Variants in GABBR2 observed in about 807,000 individuals in gnomAD.
GABBR2 encodes the protein G-protein coupled receptor 51.
A neutral mutation model predicts 105.6 loss-of-function variants in GABBR2; 23 were observed. The ratio of observed to expected loss-of-function variants is 0.22; its 90% CI spans 0.16 to 0.31. The LOEUF (loss-of-function observed/expected upper bound fraction) is 0.31, where lower values mean the gene tolerates loss of function less well. Ranked by LOEUF, GABBR2 falls within the 10% of genes least tolerant of loss-of-function variation. The pLI, the probability that GABBR2 is intolerant of heterozygous loss-of-function variation, is 1.00. For missense variants in GABBR2, 734 were observed against 1,245.5 expected (o/e 0.59, Z 6.18); for synonymous variants, 478 against 499.7 (o/e 0.96, Z 0.58).
At chr9:98,411,051 C>G (rs926748389) in intron 7 of GABBR2, among the ~76,000 whole-genome samples, 7 of 152,092 alleles carry the variant, frequency 4.6e-5, no homozygotes, top group African/African-American at 1.7e-4. Context: ...ATAATGGATT[C>G]TAACTTCCAA....
At chr9:98,643,111 AG>A (rs1474795258) in intron 1 of GABBR2, among the ~76,000 whole-genome samples, 1 of 152,224 alleles carries the variant, frequency 6.6e-6, no homozygotes, top group Non-Finnish European at 1.5e-5. Context: ...GAACCAATCC[AG>A]GGGGCACTGT....
chr9:98,694,619 C>T (rs1830725563), intron 1 of GABBR2, among the ~76,000 whole-genome samples: 1 of 152,072 alleles, frequency 6.6e-6, no homozygotes, highest in South Asian at 2.1e-4. Flanking sequence ...TGGAAATATC[C>T]AATGGTCCTG....
At chr9:98,610,004 A>G (rs1459638083) in intron 1 of GABBR2, among the ~76,000 whole-genome samples, 1 of 152,248 alleles carries the variant, frequency 6.6e-6, no homozygotes, top group African/African-American at 2.4e-5. Context: ...AAGGGGACAC[A>G]GAAGCACGTG....
intron 1 of GABBR2, among the ~76,000 whole-genome samples, chr9:98,659,065 A>G (rs1830219587): frequency 6.6e-6 from 1 of 152,202 alleles, no homozygotes; most frequent in Admixed American, 6.5e-5. Flanking sequence ...GCCAAGAAAA[A>G]CTATTATACG....
intron 7 of GABBR2, among the ~76,000 whole-genome samples, chr9:98,426,383 T>C (rs1280758556): frequency 1.3e-5 from 2 of 152,220 alleles, no homozygotes; most frequent in Non-Finnish European, 2.9e-5. Flanking sequence ...TGAGCCTGCA[T>C]CTGCCAGTGT....
Position 98,684,178 on chromosome 9 carries a change from A to T in GABBR2, c.321+24239T>A, listed in dbSNP as rs1032298881. On this transcript the variant is annotated intron_variant, in intron 1 of 18. Coordinates refer to ENST00000259455, the MANE Select transcript of GABBR2 (RefSeq NM_005458.8). ...ATGCATTTTACCACGGTAAAAAAAA[A>T]AAAAAAAAAAAAAAAAATTGGTTGT... is the stretch of plus-strand genomic sequence containing the variant. 5.7e-4 allele frequency among the ~76,000 whole-genome samples: 84 copies of T among 146,548 alleles called. 1 individual carries two copies. Among genetic ancestry groups the T allele is most frequent in the Non-Finnish European group, 9.8e-4 (65 of 66,282 alleles).
At chr9:98,680,023 G>A (rs961114386) in intron 1 of GABBR2, among the ~76,000 whole-genome samples, 1 of 152,114 alleles carries the variant, frequency 6.6e-6, no homozygotes, top group African/African-American at 2.4e-5. Context: ...AAATACCTTT[G>A]TATATTTCCT....
At chr9:98,597,981 C>A (rs535895571) in intron 1 of GABBR2, among the ~76,000 whole-genome samples, 1 of 152,142 alleles carries the variant, frequency 6.6e-6, no homozygotes, top group Non-Finnish European at 1.5e-5. Context: ...ACCACCACCT[C>A]CGGCTAATTT....
intron 1 of GABBR2, among the ~76,000 whole-genome samples, chr9:98,648,265 G>C (rs777308591): frequency 1.6e-4 from 24 of 151,936 alleles, no homozygotes; most frequent in South Asian, 4.2e-4. Context: ...CTGAGTAGCT[G>C]GGATTACAGG....
chr9:98,453,700 A>G (rs2131602881), intron 7 of GABBR2, among the ~76,000 whole-genome samples: 1 of 152,338 alleles, frequency 6.6e-6, no homozygotes, highest in East Asian at 1.9e-4. Flanking sequence ...AACGCTTTTC[A>G]ACCATTTTTG....
At chr9:98,550,306 A>T (rs963350300) in intron 2 of GABBR2, among the ~76,000 whole-genome samples, 2 of 152,258 alleles carry the variant, frequency 1.3e-5, no homozygotes, top group African/African-American at 4.8e-5. Flanking sequence ...TGCCCAAGAA[A>T]GCATGAAAAT....
At chr9:98,328,974 C>T (rs1406430766) in intron 13 of GABBR2, among the ~76,000 whole-genome samples, 1 of 152,190 alleles carries the variant, frequency 6.6e-6, no homozygotes, top group Non-Finnish European at 1.5e-5. Flanking sequence ...GTAACCTTAT[C>T]ATTACCATCT....
chr9:98,493,067 G>A (rs987689895), intron 4 of GABBR2, among the ~76,000 whole-genome samples: 2 of 152,096 alleles, frequency 1.3e-5, no homozygotes, highest in African/African-American at 4.8e-5. Flanking sequence ...CCATTTATTA[G>A]TCAATCATTT....
At position 98,406,102 on chromosome 9, in the gene GABBR2, T is replaced by C; in HGVS notation, c.1276A>G (p.Ile426Val). The C allele has an allele frequency of 6.3e-7, 1 of 1,577,312 alleles. No homozygotes were observed. Among genetic ancestry groups the C allele is most frequent in the Non-Finnish European group, 8.7e-7 (1 of 1,152,970 alleles). Residue 426 changes from isoleucine (I) to valine (V), a missense_variant, in exon 8 of 19, where the codon ATT becomes GTT. Physicochemically the swap from Ile to Val is conservative, Grantham distance 29. Around this residue, in one of 7 missense-constraint regions of GABBR2, gnomAD observed 370 missense variants for 648.9 expected, o/e 0.57. Transcript: ENST00000259455. ...VFRNGERMGTIKFTQFQDSRE... is the reference protein window; with the variant it reads ...VFRNGERMGTVKFTQFQDSRE... ...CTACCTTGAAATTGAGTAAATTTAA[T>C]GGTCCCCATTCTCTCCCCATTCCGG...
At chr9:98,391,548 A>G (rs1028375670) in intron 9 of GABBR2, among the ~76,000 whole-genome samples, 16 of 152,220 alleles carry the variant, frequency 1.1e-4, no homozygotes, top group African/African-American at 2.4e-5. Flanking sequence ...TGACGGGGTA[A>G]GGAAATGCTA....
intron 1 of GABBR2, among the ~76,000 whole-genome samples, chr9:98,680,032 C>T (rs367774717): frequency 6.6e-6 from 1 of 152,148 alleles, no homozygotes. Context: ...TGTATATTTC[C>T]TCTTTTCTCT....
chr9:98,685,803 C>T (rs2131874205), intron 1 of GABBR2, among the ~76,000 whole-genome samples: 1 of 152,250 alleles, frequency 6.6e-6, no homozygotes, highest in Admixed American at 6.5e-5. Flanking sequence ...AGAGATCCTC[C>T]TACGTCAGCC....
chr9:98,307,373 T>G (rs1564010336), intron 14 of GABBR2, among the ~76,000 whole-genome samples: 1 of 151,912 alleles, frequency 6.6e-6, no homozygotes. Flanking sequence ...AGAATGGTGG[T>G]GTGGTGGGCA....
At chr9:98,528,173 C>G (rs932418165) in intron 3 of GABBR2, among the ~76,000 whole-genome samples, 6 of 151,686 alleles carry the variant, frequency 4.0e-5, no homozygotes, top group African/African-American at 1.5e-4. Flanking sequence ...ACAGAACTGG[C>G]CTAAAGCATA....
Sources: allele counts gnomAD v4.1 joint callset (sites outside exome capture counted in the v4.1 genomes callset), GRCh38; gene constraint gnomAD v4.1.1; regional missense constraint gnomAD v4.1.1; transcripts MANE v1.5; gene names NCBI Gene and HGNC (gene_info 2026-07-23, HGNC 2026-07-21).